NLRP2: variants seen among roughly 807,000 people sequenced by gnomAD.
NLRP2 encodes the protein NACHT, LRR and PYD domains-containing protein 2.
NLRP2 carries 107 observed loss-of-function variants against 97.2 expected under a neutral mutation model. The ratio of observed to expected loss-of-function variants is 1.10; its 90% confidence interval spans 0.94 to 1.29. The LOEUF (loss-of-function observed/expected upper bound fraction) is 1.29. Among genes scored for constraint, NLRP2 ranks in the 50% most tolerant of loss-of-function variants. The pLI is 0.00. For missense variants in NLRP2, 1,495 were observed against 1,330.3 expected (o/e 1.12, Z -1.93); for synonymous variants, 663 against 551.5 (o/e 1.20, Z -2.83).
rs2071819675 is a variant in NLRP2, at chr19:54,983,688, G to C, written c.1990G>C (p.Glu664Gln). 6.2e-7 allele frequency: 1 copy of C among 1,613,664 alleles called. No individual in the cohort carries two copies. The highest frequency in any genetic ancestry group is 8.5e-7 in the Non-Finnish European group (1 of 1,180,018). The stretch of plus-strand genomic sequence containing the variant: ...GCAGGTAATAAAGGAGAATCTCCCG[G>C]AGAATGTCACTGCGTCTGAATCAGA... The part of the protein sequence containing the change: ...SLQVIKENLP[E>Q]NVTASESDAE... The change falls in exon 6 of 13, where the codon GAG becomes CAG. Residue 664 changes from glutamate (E) to glutamine (Q), a missense_variant. Glu to Gln is a conservative substitution (Grantham distance 29). Transcript: ENST00000448584.
chr19:54,996,054 CAAAAAAAACAAAG>C (rs2072801077), intron 11 of NLRP2, among the ~76,000 whole-genome samples: 2 of 115,900 alleles, frequency 1.7e-5, no homozygotes, highest in South Asian at 2.9e-4. Flanking sequence ...AAAAAAAAAA[CAAAAAAAACAAAG>C]GCGCCTTTTT....
At chr19:54,979,183 A>G (rs370255727) in intron 4 of NLRP2, among the ~76,000 whole-genome samples, 1 of 151,704 alleles carries the variant, frequency 6.6e-6, no homozygotes, top group Admixed American at 6.6e-5. Context: ...TGGGGTTTCA[A>G]CAGGGTAGCC....
At chr19:54,967,868 A>T (rs1189891775) in intron 1 of NLRP2, among the ~76,000 whole-genome samples, 1 of 151,836 alleles carries the variant, frequency 6.6e-6, no homozygotes. Context: ...CACAGCTATC[A>T]TATAAAGAGG....
In NLRP2 at chr19:54,997,483, C is replaced by T. The variant is rs2072899323; in HGVS notation, c.3046C>T (p.Leu1016Phe). The T allele has an allele frequency of 1.2e-6, 2 of 1,614,196 alleles. No homozygotes were observed. Among genetic ancestry groups the T allele is most frequent in the Non-Finnish European group, 1.7e-6 (2 of 1,180,024 alleles). ...ATGTTCCAGTGGCACCCTCCGGACA[C>T]TCAGGTATGATCCATTTACTTCCCC... is the stretch of plus-strand genomic sequence containing the variant. ...LTCSSGTLRT[L>F]RLKIDDFNDE... The change falls in exon 12 of 13, where the codon CTC (leucine) becomes TTC (phenylalanine). Residue 1016 changes from leucine (L) to phenylalanine (F), a missense_variant. Leu to Phe is a conservative substitution (Grantham distance 22). Coordinates refer to ENST00000448584, the MANE Select transcript of NLRP2 (RefSeq NM_017852.5).
rs1042459416 is a variant in NLRP2, at chr19:54,970,295, G to A, written c.280G>A (p.Glu94Lys). The A allele has an allele frequency of 5.0e-6, 8 of 1,614,016 alleles. No homozygotes were observed. Among genetic ancestry groups the A allele is most frequent in the Non-Finnish European group, 6.8e-6 (8 of 1,180,024 alleles). The change falls in exon 2 of 13, where the codon GAA (glutamate) becomes AAA (lysine). Residue 94 changes from glutamate to lysine, a missense_variant and splice_region_variant. Physicochemically the swap from Glu to Lys is moderately conservative, Grantham distance 56. Transcript: ENST00000448584. Reference sequence around the variant, plus strand: ...TGAGAGAGCAAAGGATGAAGTCAGAGGTGAGTGGAAATCGGTCCACACTGT... The same window carrying A: ...TGAGAGAGCAAAGGATGAAGTCAGAAGTGAGTGGAAATCGGTCCACACTGT... ...LSERAKDEVR[E>K]AALKSFNKRK... is the part of the protein sequence containing the mutation.
chr19:54,999,193 CCTGGAGCGCAATGGCG>C (rs1183338339), intron 12 of NLRP2, among the ~76,000 whole-genome samples: 1 of 152,108 alleles, frequency 6.6e-6, no homozygotes. Context: ...TGTTGTCCAG[CCTGGAGCGCAATGGCG>C]CTATCTCGGC....
intron 3 of NLRP2, chr19:54,977,056 GC>G: frequency 6.7e-6 from 2 of 297,398 alleles, no homozygotes; most frequent in South Asian, 5.4e-5. Flanking sequence ...CTCATGATCC[GC>G]CTGCCTTGGC....
chr19:54,974,587 T>G, intron 3 of NLRP2, 43 bp downstream of exon 3: 1 of 1,339,772 alleles, frequency 7.5e-7, no homozygotes, highest in Non-Finnish European at 1.1e-6. Context: ...ATGTGAGATC[T>G]GGGGACTCGG....
intron 8 of NLRP2, among the ~76,000 whole-genome samples, chr19:54,989,240 G>A (rs1423691765): frequency 6.6e-6 from 1 of 151,704 alleles, no homozygotes; most frequent in Non-Finnish European, 1.5e-5. Flanking sequence ...ACAGGCATGA[G>A]CCATTGCCCC....
At chr19:54,974,316 T>A (rs186354672) in intron 2 of NLRP2, 184 bp from the exon 3 acceptor site, 40 of 647,054 alleles carry the variant, frequency 6.2e-5, no homozygotes, top group Admixed American at 1.8e-4. Flanking sequence ...ATTGTGCCAC[T>A]CCAGCCTGGG....
Position 54,996,763 on chromosome 19 carries a change from C to T in NLRP2, c.2880-554C>T, listed in dbSNP as rs1352201477. 2.6e-5 allele frequency among the ~76,000 whole-genome samples: 4 copies of T among 152,014 alleles called. No homozygotes were observed. In the South Asian group the frequency reaches 8.3e-4, roughly 32 times the overall value. ...ATTTCTCTGCCTGGAGAACTCCCCC[C>T]CGAGCTCTATGACTCGGTCTCTTCA... On this transcript the variant is annotated intron_variant, in intron 11 of 12. Transcript: ENST00000448584.
chr19:54,986,827 C>T (rs150787764), intron 8 of NLRP2, among the ~76,000 whole-genome samples: 6,338 of 152,080 alleles, frequency 0.042, 441 homozygotes, highest in African/African-American at 0.14. Context: ...GGATTATAGG[C>T]ATGAGCCACC....
chr19:54,983,814 T>C, intron 6 of NLRP2, 86 bp downstream of exon 6: 2 of 1,542,918 alleles, frequency 1.3e-6, no homozygotes, highest in South Asian at 1.1e-5. Context: ...TCCTATGCAC[T>C]GTGGCTTAGG....
At chr19:54,993,303 A>C (rs2072610920) in intron 10 of NLRP2, 1 of 152,046 alleles carries the variant, frequency 6.6e-6, no homozygotes, top group African/African-American at 2.4e-5. Context: ...CATGGACTCC[A>C]ATCTGCCATC....
At chr19:54,994,058 GA>G in intron 10 of NLRP2, 1 of 645,666 alleles carries the variant, frequency 1.5e-6, no homozygotes, top group Non-Finnish European at 2.8e-6. Context: ...TCACCTCTAC[GA>G]GGTCCCTTTT....
At position 54,997,375 on chromosome 19, in the gene NLRP2, T is replaced by A. The variant is rs374346644; in HGVS notation, c.2938T>A (p.Cys980Ser). The change falls in exon 12 of 13, where the codon TGC becomes AGC. Residue 980 changes from cysteine (C) to serine (S), a missense_variant. Transcript: ENST00000448584. ...SCEDLCSALS[C>S]NQSLVTLDLG... is the part of the protein sequence containing the mutation. ...TGAAGACCTCTGCTCTGCCCTCAGC[T>A]GCAACCAGAGCCTCGTCACTCTGGA... is the stretch of plus-strand genomic sequence containing the variant. The A allele has an allele frequency of 6.2e-7, 1 of 1,614,196 alleles. No homozygotes were observed. The highest frequency in any genetic ancestry group is 2.2e-5 in the East Asian group (1 of 44,884).
At position 54,994,308 on chromosome 19, in the gene NLRP2, T is replaced by G; in HGVS notation, c.2748T>G (p.Asp916Glu). 1 of 1,614,192 alleles carries G rather than the reference T, an allele frequency of 6.2e-7. No homozygotes were observed. The highest frequency in any genetic ancestry group is 8.5e-7 in the Non-Finnish European group (1 of 1,180,030). ...NCDITSDGCCDLTKLLQEKSS... is the reference protein window; with the variant it reads ...NCDITSDGCCELTKLLQEKSS... ...ACATAACTAGCGATGGCTGCTGCGA[T>G]CTCACAAAGCTTCTCCAAGAAAAAT... Residue 916 changes from aspartate to glutamate, a missense_variant, in exon 11 of 13, where the codon GAT becomes GAG. Asp to Glu is a conservative substitution (Grantham distance 45). Coordinates refer to ENST00000448584, the MANE Select transcript of NLRP2 (RefSeq NM_017852.5).
chr19:54,966,307 C>G, upstream of NLRP2: 1 of 151,914 alleles, frequency 6.6e-6, no homozygotes. Context: ...CCCCCCGCCC[C>G]CAAAAGACCT....
intron 10 of NLRP2, among the ~76,000 whole-genome samples, chr19:54,992,969 G>T (rs150292902): frequency 6.6e-6 from 1 of 151,964 alleles, no homozygotes; most frequent in African/African-American, 2.4e-5. Context: ...AGAAGGCCGG[G>T]TAGGGTCTTT....
Sources: allele counts gnomAD v4.1 joint callset (sites outside exome capture counted in the v4.1 genomes callset), GRCh38; gene constraint gnomAD v4.1.1; transcripts MANE v1.5; gene names NCBI Gene and HGNC (gene_info 2026-07-23, HGNC 2026-07-21).